KDM2B: variants seen among roughly 807,000 people sequenced by gnomAD.
The protein encoded by KDM2B is lysine-specific demethylase 2B.
In KDM2B, 26 loss-of-function variants were observed where a neutral mutation model predicts 150.0. The observed-to-expected ratio is 0.17, with a 90% CI of 0.13 to 0.24. The LOEUF (loss-of-function observed/expected upper bound fraction) is 0.24, where lower values mean the gene tolerates loss of function less well. Ranked by LOEUF, KDM2B falls within the 10% of genes least tolerant of loss-of-function variation. KDM2B has a pLI of 1.00. For missense variants in KDM2B, 1,265 were observed against 1,816.9 expected, an observed-to-expected ratio of 0.70 and a Z score of 5.52; for synonymous variants, 734 against 729.5, an observed-to-expected ratio of 1.01 and a Z score of -0.10.
At chr12:121,417,254 T>C in the KDM2B span, among the ~76,000 whole-genome samples, 1 of 152,272 alleles carries the variant, frequency 6.6e-6, no homozygotes, top group East Asian at 1.9e-4. The surrounding 1 kb of genome is among the most constrained non-coding windows in gnomAD (Gnocchi z 5.0). Context: ...GGAAAGGTTT[T>C]AATTCATTAA....
At position 121,467,382 on chromosome 12, in the gene KDM2B, G is replaced by T. The variant is rs1483818828; in HGVS notation, c.1735-14038C>A. The T allele has an allele frequency of 1.1e-5, 11 of 980,026 alleles. No individual in the cohort carries two copies. Among genetic ancestry groups the T allele is most frequent in the Admixed American group, 6.3e-5 (1 of 15,824 alleles). The allele number at this position is 980,026 out of a possible 1,614,324, so 60.7% of individuals were successfully genotyped here. A position where few individuals can be genotyped will look rare whatever the true frequency, so the allele number is the denominator to read the frequency against. ...GCGCGCCTCGCACGCCCGCGCTGGA[G>T]GGGGCGGGGAGGGGCCGGCGGGGGA... On this transcript the variant is annotated intron_variant, in intron 12 of 22. Coordinates refer to ENST00000377071, the MANE Select transcript of KDM2B (RefSeq NM_032590.5). The surrounding 1 kb of genome is among the most constrained non-coding windows in gnomAD (Gnocchi z 5.1).
At chr12:121,417,879 G>A in the KDM2B span, 1 of 1,614,044 alleles carries the variant, frequency 6.2e-7, no homozygotes, top group Non-Finnish European at 8.5e-7. The surrounding 1 kb of genome is among the most constrained non-coding windows in gnomAD (Gnocchi z 5.0). Flanking sequence ...TATGGATGGA[G>A]ACCAAACATC....
At chr12:121,431,845 A>G (rs545336763) in intron 22 of KDM2B, among the ~76,000 whole-genome samples, 2 of 151,496 alleles carry the variant, frequency 1.3e-5, no homozygotes, top group African/African-American at 2.4e-5. Context: ...GCTTCAACAG[A>G]TAACTCAGGT....
chr12:121,566,943 G>A (rs111932086), intron 4 of KDM2B, among the ~76,000 whole-genome samples: 3,659 of 151,700 alleles, frequency 0.024, 122 homozygotes, highest in African/African-American at 0.07. Context: ...GGGCAGTGGC[G>A]CAATCTCAGC....
intron 9 of KDM2B, chr12:121,516,802 C>G (rs1555305079): frequency 6.2e-6 from 4 of 644,538 alleles, no homozygotes; most frequent in Non-Finnish European, 1.1e-5. Flanking sequence ...TCCCAGGTCT[C>G]AAGGACTTGA....
Position 121,453,968 on chromosome 12 carries a change from G to A in KDM2B, c.1735-624C>T, listed in dbSNP as rs1369042514. On this transcript the variant is annotated intron_variant, in intron 12 of 22. Coordinates refer to ENST00000377071, the MANE Select transcript of KDM2B (RefSeq NM_032590.5). This position sits in a 1 kb window ranked among gnomAD's most constrained non-coding sequence, Gnocchi z 6.4. The stretch of plus-strand genomic sequence containing the variant: ...CCACCTCCGTCTGCTCCCCAAGAAA[G>A]ACCGCAAGGGGCCACACAATCGGTC... 6.6e-6 allele frequency among the ~76,000 whole-genome samples: 1 copy of A among 152,084 alleles called. No individual in the cohort carries two copies. The highest frequency in any genetic ancestry group is 1.5e-5 in the Non-Finnish European group (1 of 68,002).
At chr12:121,427,200 C>CAGAG (rs1555284360), downstream of KDM2B, among the ~76,000 whole-genome samples, 2 of 152,070 alleles carry the variant, frequency 1.3e-5, no homozygotes, top group Non-Finnish European at 2.9e-5. Context: ...AGAGTAGTTG[C>CAGAG]TTGTAGCATT....
intron 6 of KDM2B, among the ~76,000 whole-genome samples, chr12:121,539,210 G>A (rs1888398030): frequency 6.6e-6 from 1 of 151,382 alleles, no homozygotes; most frequent in Admixed American, 6.6e-5. Context: ...GTGCGCGCCT[G>A]TAGTCCCAGC....
At chr12:121,458,931 C>T (rs782240690) in intron 12 of KDM2B, among the ~76,000 whole-genome samples, 8 of 150,670 alleles carry the variant, frequency 5.3e-5, no homozygotes, top group Non-Finnish European at 7.4e-5. Flanking sequence ...ACTAAAAATA[C>T]AAAAATTAGC....
chr12:121,443,285 T>A, intron 17 of KDM2B: 1 of 586,706 alleles, frequency 1.7e-6, no homozygotes. Flanking sequence ...GACCTGGAGA[T>A]GTGCAGCCGC....
chr12:121,470,530 G>A (rs1340658921), intron 12 of KDM2B: 1 of 152,190 alleles, frequency 6.6e-6, no homozygotes. Flanking sequence ...ATGTTCAAAG[G>A]GCCAGACCAG....
At position 121,467,595 on chromosome 12, in the gene KDM2B, G is replaced by GCGTGCCC; in HGVS notation, c.1735-14258_1735-14252dup. On this transcript the variant is annotated intron_variant, in intron 12 of 22. Coordinates refer to ENST00000377071, the MANE Select transcript of KDM2B (RefSeq NM_032590.5). The surrounding 1 kb of genome is among the most constrained non-coding windows in gnomAD (Gnocchi z 5.1). ...GCGCGGGGACTGGGGCTGCGTGGGG[G>GCGTGCCC]CGTGCCCCGCGCCCCGCCCGGCCCG... 1 of 148,854 alleles carries GCGTGCCC rather than the reference G, an allele frequency of 6.7e-6. No homozygotes were observed. The highest frequency in any genetic ancestry group is 2.0e-4 in the East Asian group (1 of 5,054). The allele number at this position is 148,854 out of a possible 1,614,324, so 9.2% of individuals were successfully genotyped here.
intron 4 of KDM2B, among the ~76,000 whole-genome samples, chr12:121,554,457 T>TGCGATG (rs758850980): frequency 1.3e-5 from 2 of 151,462 alleles, no homozygotes; most frequent in East Asian, 1.9e-4. Flanking sequence ...CAGGCTGGAG[T>TGCGATG]GCGATGGCGA....
chr12:121,575,781 T>A lies in KDM2B; in HGVS notation c.350A>T (p.Lys117Met). 1.2e-6 allele frequency: 2 copies of A among 1,607,682 alleles called. No individual in the cohort carries two copies. The highest frequency in any genetic ancestry group is 2.2e-5 in the South Asian group (2 of 90,950). ...GGAGTGATTAGTTTCAGCAACTTAC[T>A]TAATTCCCAGTCCATCCTTTTCTCG... Reference protein sequence around the residue: ...IFREKDGLGIKMPDPDFTVRD... With the variant: ...IFREKDGLGIMMPDPDFTVRD... Residue 117 changes from lysine (K) to methionine (M), a missense_variant and splice_region_variant, in exon 3 of 23, where the codon AAG becomes ATG. By Grantham distance (95) the Lys-to-Met change is moderately conservative (BLOSUM62 -1). This residue lies in a region of KDM2B where 214 missense variants were observed against 447.4 expected (regional missense o/e 0.48). Coordinates refer to ENST00000377071, the MANE Select transcript of KDM2B (RefSeq NM_032590.5). The surrounding 1 kb of genome is among the most constrained non-coding windows in gnomAD (Gnocchi z 4.4).
At chr12:121,541,736 G>T (rs1566396800) in intron 6 of KDM2B, among the ~76,000 whole-genome samples, 1 of 152,028 alleles carries the variant, frequency 6.6e-6, no homozygotes, top group African/African-American at 2.4e-5. Context: ...TTTATGTGGG[G>T]TCCCCATTTT....
chr12:121,565,394 G>A (rs1250322574), intron 4 of KDM2B, among the ~76,000 whole-genome samples: 1 of 150,926 alleles, frequency 6.6e-6, no homozygotes, highest in Non-Finnish European at 1.5e-5. Flanking sequence ...TCAGCAGACC[G>A]CAACTTCCAC....
Position 121,441,128 on chromosome 12 carries a change from G to A in KDM2B, c.3390C>T (p.Asp1130=), listed in dbSNP as rs1874948667. 1.2e-6 allele frequency: 2 copies of A among 1,614,214 alleles called. No homozygotes were observed. ...GIIRRQPVSL[D]LSWTNISKKQ... is the part of the protein sequence containing the mutation. ...TCTTGGAGATATTGGTCCAGCTGAG[G>A]TCGAGGGAGACGGGCTGTCGCCGGA... is the stretch of plus-strand genomic sequence containing the variant. Residue 1130 remains aspartate (D), a synonymous_variant, in exon 20 of 23, where the codon GAC becomes GAT. Transcript: ENST00000377071.
At position 121,452,504 on chromosome 12, in the gene KDM2B, C is replaced by T. The variant is rs906097481; in HGVS notation, c.1959+616G>A. Among the ~76,000 whole-genome samples, 30 of 152,226 alleles carry T rather than the reference C, an allele frequency of 2.0e-4. No individual in the cohort carries two copies. The highest frequency in any genetic ancestry group is 5.5e-4 in the African/African-American group (23 of 41,466). ...GGAGATGACTCCTCCACAGGGAGGA[C>T]CGCCGGCCCCCGGGGAGCAGCGCCC... On this transcript the variant is annotated intron_variant, in intron 13 of 22. Transcript: ENST00000377071. The surrounding 1 kb of genome is among the most constrained non-coding windows in gnomAD (Gnocchi z 4.4).
downstream of KDM2B, among the ~76,000 whole-genome samples, chr12:121,425,208 T>C (rs1433423912): frequency 5.3e-5 from 8 of 150,084 alleles, no homozygotes; most frequent in Admixed American, 5.4e-4. Flanking sequence ...CTCAGGAGGC[T>C]GAGGCAGGAG....
Sources: allele counts gnomAD v4.1 joint callset (sites outside exome capture counted in the v4.1 genomes callset), GRCh38; gene constraint gnomAD v4.1.1; regional missense constraint gnomAD v4.1.1; non-coding constraint Gnocchi (gnomAD v3.1); transcripts MANE v1.5; gene names NCBI Gene and HGNC (gene_info 2026-07-23, HGNC 2026-07-21).